The following RYR3 variants were observed in gnomAD, a reference collection of about 807,000 sequenced individuals.
RYR3 encodes the protein brain ryanodine receptor-calcium release channel.
Under a neutral mutation model 584.3 loss-of-function variants are expected in RYR3, and 207 were observed. That is an observed-to-expected ratio of 0.35 (90% CI 0.32 to 0.40). The LOEUF is 0.40. Ranked by LOEUF, RYR3 falls within the 10% of genes least tolerant of loss-of-function variation. The pLI, the probability that RYR3 is intolerant of heterozygous loss-of-function variation, is 1.00. For synonymous variants in RYR3, 2,416 were observed against 2,248.5 expected, an observed-to-expected ratio of 1.07 and a Z score of -2.11; for missense variants, 5,616 against 6,089.2, an observed-to-expected ratio of 0.92 and a Z score of 2.59.
chr15:33,728,447 TG>T (rs1476610009), intron 46 of RYR3, among the ~76,000 whole-genome samples: 1 of 152,250 alleles, frequency 6.6e-6, no homozygotes, highest in Non-Finnish European at 1.5e-5. Flanking sequence ...GTTTAACAAC[TG>T]GCTGGAATTT....
chr15:33,495,828 TTAAGA>T (rs1279050005), intron 2 of RYR3, among the ~76,000 whole-genome samples: 1 of 152,142 alleles, frequency 6.6e-6, no homozygotes, highest in Non-Finnish European at 1.5e-5. Context: ...TAAAATCTGG[TTAAGA>T]TGAGGTATAG....
intron 1 of RYR3, among the ~76,000 whole-genome samples, chr15:33,452,382 C>T (rs913812808): frequency 8.5e-5 from 13 of 152,110 alleles, no homozygotes; most frequent in Admixed American, 7.9e-4. Flanking sequence ...TCTCAATTGC[C>T]AGAAAAGCAA....
intron 7 of RYR3, 27 bp downstream of exon 7, chr15:33,540,917 C>G (rs1266143098): frequency 7.2e-7 from 1 of 1,389,220 alleles, no homozygotes. Flanking sequence ...GCATTTAGCC[C>G]TGAGCCTGCC....
At chr15:33,385,008 C>T (rs1375217935) in intron 1 of RYR3, among the ~76,000 whole-genome samples, 4 of 152,184 alleles carry the variant, frequency 2.6e-5, no homozygotes, top group African/African-American at 7.2e-5. Flanking sequence ...TCCCTTCCAC[C>T]CTTAGATGTG....
intron 1 of RYR3, among the ~76,000 whole-genome samples, chr15:33,399,547 A>C (rs2042508274): frequency 6.6e-6 from 1 of 152,206 alleles, no homozygotes; most frequent in Non-Finnish European, 1.5e-5. Context: ...CTGAGGCAGG[A>C]GAATCACTTG....
intron 27 of RYR3, among the ~76,000 whole-genome samples, chr15:33,637,953 TC>T (rs2061586286): frequency 6.6e-6 from 1 of 151,954 alleles, no homozygotes; most frequent in African/African-American, 2.4e-5. Context: ...CCCTCCCCGC[TC>T]CCCCCATCCC....
chr15:33,546,602 T>TA (rs760872662), intron 8 of RYR3, among the ~76,000 whole-genome samples: 2 of 152,216 alleles, frequency 1.3e-5, no homozygotes, highest in African/African-American at 4.8e-5. Flanking sequence ...TAAACATTTA[T>TA]AAAAAACACT....
chr15:33,402,952 G>T (rs774883670), intron 1 of RYR3, among the ~76,000 whole-genome samples: 1 of 152,230 alleles, frequency 6.6e-6, no homozygotes, highest in African/African-American at 2.4e-5. Flanking sequence ...GCCTCACTGC[G>T]TCAGCCACAA....
rs979526207 is a variant in RYR3, at chr15:33,838,833, C to A, written c.12853C>A (p.His4285Asn). 1.2e-6 allele frequency: 2 copies of A among 1,613,772 alleles called. No individual in the cohort carries two copies. Among genetic ancestry groups the A allele is most frequent in the Non-Finnish European group, 1.7e-6 (2 of 1,179,850 alleles). The change falls in exon 89 of 104, where the codon CAC becomes AAC. Residue 4285 changes from histidine (H) to asparagine (N), a missense_variant. His to Asn is a moderately conservative substitution (Grantham distance 68, BLOSUM62 1). Transcript: ENST00000634891. ...TDIMSDLFGL[H>N]PKKEGSLKHG... ...TATCATGTCAGACCTCTTTGGACTC[C>A]ACCCAAAGAAAGAGGGCAGCTTAAA...
At position 33,821,478 on chromosome 15, in the gene RYR3, A is replaced by T. The variant is rs774986698; in HGVS notation, c.10916-45A>T. The T allele has an allele frequency of 3.7e-6, 6 of 1,608,914 alleles. No individual in the cohort carries two copies. The South Asian group carries it at 6.6e-5, about 18-fold the overall frequency. On this transcript the variant is annotated intron_variant, in intron 79 of 103. Coordinates refer to ENST00000634891, the MANE Select transcript of RYR3 (RefSeq NM_001036.6). ...TGCTAAGGCCCAGGAGGCATGATTTACCATCTGTTTCCTTGGTGATTCAAT... is the reference window on the plus strand; with the variant it reads ...TGCTAAGGCCCAGGAGGCATGATTTTCCATCTGTTTCCTTGGTGATTCAAT...
At chr15:33,836,671 A>T (rs1255870818) in intron 87 of RYR3, among the ~76,000 whole-genome samples, 1 of 152,190 alleles carries the variant, frequency 6.6e-6, no homozygotes, top group African/African-American at 2.4e-5. Flanking sequence ...GCCACATTGT[A>T]CTAATAAAAG....
intron 10 of RYR3, among the ~76,000 whole-genome samples, chr15:33,558,297 C>A (rs2057206194): frequency 6.7e-6 from 1 of 150,068 alleles, no homozygotes; most frequent in South Asian, 2.2e-4. Flanking sequence ...CTTCCTGTGT[C>A]CAGGTGTTCT....
chr15:33,816,000 C>T (rs886186847), intron 74 of RYR3: 14 of 397,320 alleles, frequency 3.5e-5, no homozygotes, highest in African/African-American at 2.1e-4. Context: ...CATGATTTAA[C>T]GTTACCATAA....
intron 27 of RYR3, among the ~76,000 whole-genome samples, chr15:33,643,437 T>C (rs2061939484): frequency 6.6e-6 from 1 of 152,108 alleles, no homozygotes; most frequent in Admixed American, 6.5e-5. Flanking sequence ...CTGTTTTGAG[T>C]GGTAGTTTTT....
intron 31 of RYR3, among the ~76,000 whole-genome samples, chr15:33,652,105 C>G (rs1296609602): frequency 3.0e-4 from 46 of 152,132 alleles, no homozygotes; most frequent in Admixed American, 3.0e-3. Flanking sequence ...AGCAAGGCAC[C>G]TAAGCTGATG....
chr15:33,750,426 G>T, intron 57 of RYR3, 140 bp downstream of exon 57: 1 of 816,004 alleles, frequency 1.2e-6, no homozygotes, highest in South Asian at 2.1e-5. Flanking sequence ...AGAACATGAA[G>T]CCCTCTTTTT....
chr15:33,716,698 T>C (rs1442861115), intron 43 of RYR3, among the ~76,000 whole-genome samples: 2 of 152,204 alleles, frequency 1.3e-5, no homozygotes, highest in African/African-American at 4.8e-5. Flanking sequence ...CTCAGCAGCT[T>C]GCCTCCAAGG....
In RYR3 at chr15:33,562,696, C is replaced by A. The variant is rs562336729; in HGVS notation, c.973-141C>A. On this transcript the variant is annotated intron_variant, in intron 10 of 103. Coordinates refer to ENST00000634891, the MANE Select transcript of RYR3 (RefSeq NM_001036.6). ...AAGGGAAACAAGTCTTTCTGAAATCCTGGCTTGGACAGGCACATCATGATT... is the reference window on the plus strand; with the variant it reads ...AAGGGAAACAAGTCTTTCTGAAATCATGGCTTGGACAGGCACATCATGATT... 2.2e-4 allele frequency: 129 copies of A among 594,530 alleles called. No homozygotes were observed. In the African/African-American group the frequency reaches 2.3e-3, roughly 11 times the overall value. The allele number at this position is 594,530 out of a possible 1,614,324, so 36.8% of individuals were successfully genotyped here.
At chr15:33,829,704 A>G (rs1330206042) in intron 85 of RYR3, among the ~76,000 whole-genome samples, 3 of 151,392 alleles carry the variant, frequency 2.0e-5, no homozygotes, top group African/African-American at 7.3e-5. Flanking sequence ...AGTGAGCCAG[A>G]TTGCGCCGCT....
Sources: gnomAD v4.1 joint callset for allele counts (sites outside exome capture counted in the v4.1 genomes callset) on GRCh38, gnomAD v4.1.1 for gene constraint, MANE v1.5 for transcripts, NCBI Gene and HGNC (gene_info 2026-07-23, HGNC 2026-07-21) for gene names.